Variants in SASH1 observed in about 807,000 individuals in gnomAD.
SASH1 encodes the protein SAM and SH3 domain containing 1.
SASH1 carries 44 observed loss-of-function variants against 125.2 expected under a neutral mutation model. That is an observed-to-expected ratio of 0.35 (90% confidence interval 0.28 to 0.45). The LOEUF is 0.45. Ranked by LOEUF, SASH1 falls within the 20% of genes least tolerant of loss-of-function variation. The probability of loss-of-function intolerance (pLI) is 1.00; values close to 1 mark genes in which losing one functional copy is unlikely to be tolerated. For missense variants in SASH1, 1,426 were observed against 1,614.5 expected, an observed-to-expected ratio of 0.88 and a Z score of 2.00; for synonymous variants, 639 against 649.1, an observed-to-expected ratio of 0.98 and a Z score of 0.24.
In SASH1 at chr6:148,525,021, T is replaced by TA. The variant is rs113815518; in HGVS notation, c.1210-262dup. On this transcript the variant is annotated intron_variant, in intron 10 of 19. Coordinates refer to ENST00000367467, the MANE Select transcript of SASH1 (RefSeq NM_015278.5). ...TTTTTCTTTTGTTTTTTAGGCTTTTTAAAAAAAATGGTTGGTTTTTGCATG... is the reference window on the plus strand; with the variant it reads ...TTTTTCTTTTGTTTTTTAGGCTTTTTAAAAAAAAATGGTTGGTTTTTGCATG... The TA allele has an allele frequency of 0.089, 36,577 of 409,702 alleles. 1,709 individuals carry two copies. Among genetic ancestry groups the TA allele is most frequent in the South Asian group, 0.12 (4,391 of 35,768 alleles). The allele number at this position is 409,702 out of a possible 1,614,324, so 25.4% of individuals were successfully genotyped here. A position where few individuals can be genotyped will look rare whatever the true frequency, so the allele number is the denominator to read the frequency against.
chr6:148,213,003 T>G, the SASH1 span, among the ~76,000 whole-genome samples: 4 of 152,130 alleles, frequency 2.6e-5, no homozygotes, highest in Non-Finnish European at 5.9e-5. Context: ...CAAGATAGCT[T>G]GTGATCCTCC....
rs1780663371 is a variant in SASH1 at position 148,519,514 on chromosome 6, T to A, written c.863-33T>A. ...AGATGTATGCAAGAATGCAAAGGTG[T>A]GTTCACAAGAGACTCTGTTGGTTTC... is the stretch of plus-strand genomic sequence containing the variant. On this transcript the variant is annotated intron_variant, in intron 9 of 19. Transcript: ENST00000367467. The surrounding 1 kb of genome is among the most constrained non-coding windows in gnomAD (Gnocchi z 4.8). 6.6e-7 allele frequency: 1 copy of A among 1,507,820 alleles called. No individual in the cohort carries two copies. Among genetic ancestry groups the A allele is most frequent in the African/African-American group, 1.4e-5 (1 of 72,566 alleles). The allele number at this position is 1,507,820 out of a possible 1,614,324, so 93.4% of individuals were successfully genotyped here.
chr6:148,265,713 A>G, the SASH1 span, among the ~76,000 whole-genome samples: 1 of 152,194 alleles, frequency 6.6e-6, no homozygotes, highest in Non-Finnish European at 1.5e-5. Flanking sequence ...CCACAGCTAA[A>G]AAAAGCCATC....
At chr6:148,270,837 C>A (rs961457931), upstream of SASH1, among the ~76,000 whole-genome samples, 20 of 151,994 alleles carry the variant, frequency 1.3e-4, no homozygotes, top group Non-Finnish European at 2.4e-4. Flanking sequence ...ATGTCCAAGG[C>A]CACTCAGTTA....
At chr6:148,275,027 G>A (rs941220551) in intron 1 of SASH1, among the ~76,000 whole-genome samples, 9 of 152,066 alleles carry the variant, frequency 5.9e-5, no homozygotes, top group African/African-American at 9.7e-5. Flanking sequence ...CACAGAACTC[G>A]TGGCTCTTCA....
At chr6:148,527,324 C>T (rs1781236689) in intron 11 of SASH1, 129 bp from the exon 12 acceptor site, 3 of 791,592 alleles carry the variant, frequency 3.8e-6, no homozygotes, top group South Asian at 4.5e-5. Flanking sequence ...ACTGAGTTAA[C>T]ACAAGAAAAA....
At chr6:148,440,305 C>T in intron 3 of SASH1, 53 bp from the exon 4 acceptor site, 2 of 1,608,346 alleles carry the variant, frequency 1.2e-6, no homozygotes, top group Admixed American at 1.7e-5. Flanking sequence ...CTGTACAAAT[C>T]AGATGAAGCC....
At chr6:148,395,517 C>A (rs1247738399) in intron 2 of SASH1, among the ~76,000 whole-genome samples, 1 of 152,128 alleles carries the variant, frequency 6.6e-6, no homozygotes, top group African/African-American at 2.4e-5. Context: ...TTGGTGAAGA[C>A]AACAGAGAGT....
rs1018003291 is a variant in SASH1 at position 148,550,436 on chromosome 6, A to C, written c.*1878A>C. ...TAGCATATTGCTTATGTCTGGATCCATGTTTCTGAGGAAAAAGACATTCTC... is the reference window on the plus strand; with the variant it reads ...TAGCATATTGCTTATGTCTGGATCCCTGTTTCTGAGGAAAAAGACATTCTC... On this transcript the variant is annotated 3_prime_UTR_variant, in exon 20 of 20. Coordinates refer to ENST00000367467, the MANE Select transcript of SASH1 (RefSeq NM_015278.5). 1.3e-5 allele frequency: 2 copies of C among 152,220 alleles called. No homozygotes were observed. Among genetic ancestry groups the C allele is most frequent in the African/African-American group, 2.4e-5 (1 of 41,470 alleles). The allele number at this position is 152,220 out of a possible 1,614,324, so 9.4% of individuals were successfully genotyped here.
At chr6:148,208,729 G>C in the SASH1 span, among the ~76,000 whole-genome samples, 2 of 152,222 alleles carry the variant, frequency 1.3e-5, no homozygotes, top group South Asian at 4.1e-4. Context: ...CTTCTGGAAT[G>C]CCTTTCTATA....
At chr6:148,198,237 G>A in the SASH1 span, among the ~76,000 whole-genome samples, 15 of 152,220 alleles carry the variant, frequency 9.9e-5, no homozygotes, top group Middle Eastern at 3.4e-3. Flanking sequence ...TTTGCCTTCC[G>A]CCATGATTGT....
intron 2 of SASH1, among the ~76,000 whole-genome samples, chr6:148,417,582 A>AAAATAAATAAATAAATAAATAAATAAAT (rs61198279): frequency 0.011 from 1,554 of 147,756 alleles, 23 homozygotes; most frequent in African/African-American, 0.034. Flanking sequence ...GGACTCTGTC[A>AAAATAAATAAATAAATAAATAAATAAAT]AAATAAATAA....
chr6:148,487,159 C>A (rs1778913171), intron 7 of SASH1, among the ~76,000 whole-genome samples: 1 of 147,940 alleles, frequency 6.8e-6, no homozygotes, highest in African/African-American at 2.5e-5. Flanking sequence ...GACCCCATTT[C>A]ACTAAAATGT....
chr6:148,206,708 T>A, the SASH1 span, among the ~76,000 whole-genome samples: 1 of 151,034 alleles, frequency 6.6e-6, no homozygotes, highest in African/African-American at 2.4e-5. Flanking sequence ...GAGAATCGCT[T>A]AAACCTGGGA....
chr6:148,212,269 T>G, the SASH1 span, among the ~76,000 whole-genome samples: 2 of 151,996 alleles, frequency 1.3e-5, no homozygotes, highest in Admixed American at 6.6e-5. Context: ...AAAATGAGCA[T>G]GAAGGTAGGA....
intron 2 of SASH1, among the ~76,000 whole-genome samples, chr6:148,419,585 G>C (rs894357601): frequency 1.3e-5 from 2 of 152,154 alleles, no homozygotes; most frequent in African/African-American, 2.4e-5. Context: ...CCGCCCTCCT[G>C]TCCTGTTTCT....
intron 2 of SASH1, among the ~76,000 whole-genome samples, chr6:148,391,864 T>A (rs1783741473): frequency 6.6e-6 from 1 of 152,164 alleles, no homozygotes; most frequent in South Asian, 2.1e-4. Context: ...AGAAGTGGGG[T>A]TGAGGCAGAA....
intron 2 of SASH1, among the ~76,000 whole-genome samples, chr6:148,413,290 G>T (rs530371268): frequency 6.6e-6 from 1 of 152,320 alleles, no homozygotes; most frequent in South Asian, 2.1e-4. Flanking sequence ...AGGAAGAGCA[G>T]TCCAAAGGGT....
chr6:148,525,823 G>A (rs898552093), intron 11 of SASH1, among the ~76,000 whole-genome samples: 7 of 152,106 alleles, frequency 4.6e-5, no homozygotes, highest in African/African-American at 1.7e-4. Flanking sequence ...GCCCCACATG[G>A]CCTATACTAA....
Sources: gnomAD v4.1 joint callset for allele counts (sites outside exome capture counted in the v4.1 genomes callset) on GRCh38, gnomAD v4.1.1 for gene constraint, Gnocchi (gnomAD v3.1) non-coding constraint, MANE v1.5 for transcripts, NCBI Gene and HGNC (gene_info 2026-07-23, HGNC 2026-07-21) for gene names.